CAMTA1: variants seen among roughly 807,000 people sequenced by gnomAD.
The protein encoded by CAMTA1 is calmodulin-binding transcription activator 1.
CAMTA1 carries 27 observed loss-of-function variants against 170.9 expected under a neutral mutation model. That is an observed-to-expected ratio of 0.16 (90% confidence interval 0.12 to 0.22). The LOEUF (loss-of-function observed/expected upper bound fraction) is 0.22. Ranked by LOEUF, CAMTA1 falls within the 10% of genes least tolerant of loss-of-function variation. The pLI is 1.00. For missense variants in CAMTA1, 1,619 were observed against 2,217.2 expected (o/e 0.73, Z 5.42); for synonymous variants, 833 against 891.5 (o/e 0.93, Z 1.17).
rs114143754 is a variant in CAMTA1 at position 6,923,838 on chromosome 1, T to A, written c.234+98628T>A. Among the ~76,000 whole-genome samples, 1,140 of 152,304 alleles carry A rather than the reference T, an allele frequency of 7.5e-3. 6 individuals are homozygous for A. Among genetic ancestry groups the A allele is most frequent in the Non-Finnish European group, 0.011 (777 of 68,026 alleles). ...TCCCATGAGACTGCCAAGAAGGTGA[T>A]GTCCTCTCTCTGAATCCCCTAGACC... On this transcript the variant is annotated intron_variant, in intron 3 of 22. Coordinates refer to ENST00000303635, the MANE Select transcript of CAMTA1 (RefSeq NM_015215.4).
intron 3 of CAMTA1, among the ~76,000 whole-genome samples, chr1:6,856,528 TG>T (rs1242623511): frequency 1.3e-5 from 2 of 152,046 alleles, no homozygotes; most frequent in Non-Finnish European, 2.9e-5. Flanking sequence ...TTCTAGTCAC[TG>T]GGGGGATAGA....
At chr1:7,507,197 C>G (rs1004876476) in intron 6 of CAMTA1, among the ~76,000 whole-genome samples, 1 of 152,040 alleles carries the variant, frequency 6.6e-6, no homozygotes, top group African/African-American at 2.4e-5. Context: ...ATAACACCCT[C>G]ACAGTGGCAC....
intron 5 of CAMTA1, among the ~76,000 whole-genome samples, chr1:7,265,216 A>C (rs538823265): frequency 6.6e-6 from 1 of 152,232 alleles, no homozygotes; most frequent in Non-Finnish European, 1.5e-5. Flanking sequence ...AGTCCTGGAA[A>C]TGTGGCTCAT....
intron 5 of CAMTA1, among the ~76,000 whole-genome samples, chr1:7,285,992 G>T (rs781024674): frequency 2.0e-5 from 3 of 152,146 alleles, no homozygotes; most frequent in Non-Finnish European, 4.4e-5. Context: ...CTGCCCGCTA[G>T]CATGCTTTCT....
At chr1:6,961,244 C>T (rs917185862) in intron 3 of CAMTA1, among the ~76,000 whole-genome samples, 3 of 152,198 alleles carry the variant, frequency 2.0e-5, no homozygotes, top group African/African-American at 7.2e-5. Context: ...TTAAGCTAAA[C>T]AGGGATTCTG....
intron 4 of CAMTA1, among the ~76,000 whole-genome samples, chr1:7,149,499 C>T (rs1379990495): frequency 1.3e-5 from 2 of 152,204 alleles, no homozygotes; most frequent in South Asian, 2.1e-4. Context: ...AGTCTGGTTT[C>T]GTAACGGCCG....
chr1:7,181,299 A>G (rs1652106942), intron 4 of CAMTA1, among the ~76,000 whole-genome samples: 1 of 152,196 alleles, frequency 6.6e-6, no homozygotes, highest in Admixed American at 6.5e-5. Flanking sequence ...ATGGGAAAAC[A>G]CTAGAGGCAT....
At position 7,631,747 on chromosome 1, in the gene CAMTA1, G is replaced by A. The variant is rs75491180; in HGVS notation, c.511-8653G>A. Reference sequence around the variant, plus strand: ...GCCCTTCTCAGGGAGCATCCTTCTTGTGCTTCCGTCCATCCTCCAGGCCTC... The same window carrying A: ...GCCCTTCTCAGGGAGCATCCTTCTTATGCTTCCGTCCATCCTCCAGGCCTC... On this transcript the variant is annotated intron_variant, in intron 6 of 22. Transcript: ENST00000303635. Among the ~76,000 whole-genome samples the A allele has an allele frequency of 9.6e-3, 1,458 of 152,264 alleles. 21 individuals are homozygous for A. Among genetic ancestry groups the A allele is most frequent in the African/African-American group, 0.032 (1,338 of 41,548 alleles).
intron 5 of CAMTA1, among the ~76,000 whole-genome samples, chr1:7,450,257 G>T (rs147160029): frequency 1.3e-5 from 2 of 152,346 alleles, no homozygotes; most frequent in East Asian, 3.9e-4. Flanking sequence ...AGGACCAAAA[G>T]TGAGGATGGG....
At chr1:7,221,129 G>T (rs188828353) in intron 4 of CAMTA1, among the ~76,000 whole-genome samples, 1 of 152,172 alleles carries the variant, frequency 6.6e-6, no homozygotes, top group Non-Finnish European at 1.5e-5. Flanking sequence ...GCTGGAGGCA[G>T]TGCAGGAAGG....
At chr1:7,607,354 G>T (rs771257132) in intron 6 of CAMTA1, among the ~76,000 whole-genome samples, 21 of 151,602 alleles carry the variant, frequency 1.4e-4, no homozygotes, top group Non-Finnish European at 2.9e-4. Flanking sequence ...ATAGATGGAA[G>T]ATAGGTGGAT....
chr1:7,394,570 C>T (rs961406891), intron 5 of CAMTA1, among the ~76,000 whole-genome samples: 1 of 152,088 alleles, frequency 6.6e-6, no homozygotes, highest in Admixed American at 6.5e-5. Context: ...TATTTGAGTT[C>T]CTTATACATT....
chr1:7,400,957 TATC>T (rs1426048873), intron 5 of CAMTA1, among the ~76,000 whole-genome samples: 3 of 152,234 alleles, frequency 2.0e-5, no homozygotes, highest in African/African-American at 7.2e-5. Flanking sequence ...GTCTATAGCT[TATC>T]ATCTTATTCT....
chr1:7,360,281 G>C (rs1162538994), intron 5 of CAMTA1, among the ~76,000 whole-genome samples: 1 of 152,212 alleles, frequency 6.6e-6, no homozygotes, highest in Admixed American at 6.5e-5. Flanking sequence ...CTACAAAAAG[G>C]GAGGTGCATC....
chr1:7,305,107 A>G (rs1030557745), intron 5 of CAMTA1, among the ~76,000 whole-genome samples: 2 of 152,150 alleles, frequency 1.3e-5, no homozygotes, highest in Admixed American at 6.5e-5. Flanking sequence ...TTATTGAATC[A>G]TCTACCTTTT....
At chr1:7,104,519 AG>A (rs1265166959) in intron 4 of CAMTA1, among the ~76,000 whole-genome samples, 1 of 152,132 alleles carries the variant, frequency 6.6e-6, no homozygotes, top group Non-Finnish European at 1.5e-5. Context: ...GGAGAGCCAG[AG>A]GAGCTCTGGG....
At chr1:7,508,005 A>G (rs944104260) in intron 6 of CAMTA1, among the ~76,000 whole-genome samples, 1 of 152,240 alleles carries the variant, frequency 6.6e-6, no homozygotes, top group African/African-American at 2.4e-5. Flanking sequence ...CCAAGTCATG[A>G]CGATACCAGT....
intron 1 of CAMTA1, among the ~76,000 whole-genome samples, chr1:6,800,910 C>T (rs1186915281): frequency 3.3e-5 from 5 of 152,302 alleles, no homozygotes; most frequent in South Asian, 4.1e-4. Context: ...GTAAACATTC[C>T]CTGCCTTATC....
chr1:7,745,722 A>G, intron 17 of CAMTA1, 123 bp from the exon 18 acceptor site: 1 of 1,158,876 alleles, frequency 8.6e-7, no homozygotes, highest in Non-Finnish European at 1.3e-6. Context: ...AACTGAATGA[A>G]GGCATGTTCC....
Sources: allele counts gnomAD v4.1 joint callset (sites outside exome capture counted in the v4.1 genomes callset), GRCh38; gene constraint gnomAD v4.1.1; transcripts MANE v1.5; gene names NCBI Gene and HGNC (gene_info 2026-07-23, HGNC 2026-07-21).